KCNIP4: variants seen among roughly 807,000 people sequenced by gnomAD.
KCNIP4 encodes the protein potassium voltage-gated channel interacting protein 4, also known as Kv channel-interacting protein 4.
In KCNIP4, 12 loss-of-function variants were observed where a neutral mutation model predicts 34.0. The ratio of observed to expected loss-of-function variants is 0.35; its 90% CI spans 0.23 to 0.57. KCNIP4 has a LOEUF of 0.57. KCNIP4 is among the 20% of genes least tolerant of loss of function. KCNIP4 has a pLI of 0.83. For synonymous variants in KCNIP4, 124 were observed against 102.2 expected, an observed-to-expected ratio of 1.21 and a Z score of -1.29; for missense variants, 238 against 311.7, an observed-to-expected ratio of 0.76 and a Z score of 1.78.
At chr4:21,372,739 C>CTTG (rs1476174587) in intron 1 of KCNIP4, among the ~76,000 whole-genome samples, 1 of 146,226 alleles carries the variant, frequency 6.8e-6, no homozygotes, top group African/African-American at 2.8e-5. Context: ...TCCAAAATTA[C>CTTG]TACAAGGAAT....
chr4:20,999,395 G>C (rs1420820976), intron 1 of KCNIP4, among the ~76,000 whole-genome samples: 1 of 146,884 alleles, frequency 6.8e-6, no homozygotes, highest in East Asian at 2.0e-4. Context: ...CCAAAAAAGA[G>C]GGTTTTTGTT....
intron 1 of KCNIP4, among the ~76,000 whole-genome samples, chr4:21,494,502 C>CG: frequency 6.6e-6 from 1 of 152,126 alleles, no homozygotes; most frequent in Admixed American, 6.5e-5. Flanking sequence ...GTGCTGAGTG[C>CG]GGTGGCTTAT....
intron 1 of KCNIP4, among the ~76,000 whole-genome samples, chr4:21,841,754 G>T (rs1723698419): frequency 6.6e-6 from 1 of 151,998 alleles, no homozygotes; most frequent in South Asian, 2.1e-4. Context: ...AATCCTAAAT[G>T]ATATTTTTAA....
intron 1 of KCNIP4, among the ~76,000 whole-genome samples, chr4:21,574,658 A>G (rs1740609644): frequency 6.6e-6 from 1 of 152,296 alleles, no homozygotes; most frequent in South Asian, 2.1e-4. Flanking sequence ...TGAACCCTCA[A>G]ATTGAGAGTG....
At chr4:21,686,547 A>G (rs1316988492) in intron 1 of KCNIP4, among the ~76,000 whole-genome samples, 1 of 152,230 alleles carries the variant, frequency 6.6e-6, no homozygotes, top group Non-Finnish European at 1.5e-5. Flanking sequence ...GAAAATACAA[A>G]TACATTGACA....
At chr4:21,701,570 C>T (rs974917998) in intron 1 of KCNIP4, among the ~76,000 whole-genome samples, 1 of 151,972 alleles carries the variant, frequency 6.6e-6, no homozygotes, top group Non-Finnish European at 1.5e-5. Context: ...TAAATAAATA[C>T]AAATTAATAC....
intron 1 of KCNIP4, among the ~76,000 whole-genome samples, chr4:21,113,103 C>A (rs1036296211): frequency 1.3e-5 from 2 of 151,986 alleles, no homozygotes; most frequent in African/African-American, 4.8e-5. Flanking sequence ...TCCAAATTTC[C>A]GGGAATGTCT....
chr4:21,814,774 T>A (rs1721892137), intron 1 of KCNIP4, among the ~76,000 whole-genome samples: 1 of 152,154 alleles, frequency 6.6e-6, no homozygotes, highest in Non-Finnish European at 1.5e-5. Context: ...ACCTTCAGAC[T>A]AAGAGGGCAG....
chr4:21,598,117 G>A (rs1577667392), intron 1 of KCNIP4, among the ~76,000 whole-genome samples: 1 of 152,044 alleles, frequency 6.6e-6, no homozygotes, highest in Non-Finnish European at 1.5e-5. Context: ...TTAAATGAAA[G>A]GAGAGAACAC....
At chr4:21,895,622 T>C (rs1015944042) in intron 1 of KCNIP4, among the ~76,000 whole-genome samples, 4 of 152,194 alleles carry the variant, frequency 2.6e-5, no homozygotes, top group Non-Finnish European at 5.9e-5. Flanking sequence ...TGTTCAACTA[T>C]TAAATTATTT....
intron 1 of KCNIP4, among the ~76,000 whole-genome samples, chr4:21,835,578 CG>C (rs147801479): frequency 0.38 from 57,171 of 151,224 alleles, 11,860 homozygotes; most frequent in East Asian, 0.65. Flanking sequence ...TGTTTTCTTA[CG>C]TTTTTTTTTG....
intron 1 of KCNIP4, among the ~76,000 whole-genome samples, chr4:21,903,751 G>A: frequency 6.6e-6 from 1 of 151,940 alleles, no homozygotes; most frequent in African/African-American, 2.4e-5. Context: ...ATCATAAATG[G>A]AAGAACCATT....
chr4:20,882,830 C>A, intron 1 of KCNIP4, 121 bp from the exon 2 acceptor site: 1 of 652,498 alleles, frequency 1.5e-6, no homozygotes, highest in Non-Finnish European at 2.6e-6. Context: ...CTCAGGCAAT[C>A]ACAGGCAGTG....
chr4:21,352,186 G>A (rs778474953), intron 1 of KCNIP4, among the ~76,000 whole-genome samples: 23 of 152,214 alleles, frequency 1.5e-4, no homozygotes, highest in Non-Finnish European at 2.1e-4. Context: ...AAACAGCTCC[G>A]GTCTGCAGCT....
chr4:21,535,126 C>T (rs1386382704), intron 1 of KCNIP4, among the ~76,000 whole-genome samples: 1 of 152,090 alleles, frequency 6.6e-6, no homozygotes, highest in Non-Finnish European at 1.5e-5. Flanking sequence ...GCAGCTGCTG[C>T]TCTAAAGATG....
chr4:21,063,597 C>T (rs1744106559), intron 1 of KCNIP4, among the ~76,000 whole-genome samples: 1 of 152,116 alleles, frequency 6.6e-6, no homozygotes, highest in African/African-American at 2.4e-5. Context: ...ATATGTCAAA[C>T]AATGAACTGA....
At chr4:21,619,751 G>A (rs940919232) in intron 1 of KCNIP4, among the ~76,000 whole-genome samples, 1 of 152,240 alleles carries the variant, frequency 6.6e-6, no homozygotes, top group Non-Finnish European at 1.5e-5. Flanking sequence ...TAGCTGGTAT[G>A]ACGGATACTA....
chr4:21,544,147 C>T (rs533872376), intron 1 of KCNIP4, among the ~76,000 whole-genome samples: 1 of 152,126 alleles, frequency 6.6e-6, no homozygotes, highest in East Asian at 1.9e-4. Context: ...ACTCTTCAAA[C>T]CTGGATTCTG....
chr4:20,773,784 G>A (rs191877170), intron 3 of KCNIP4, among the ~76,000 whole-genome samples: 170 of 152,274 alleles, frequency 1.1e-3, no homozygotes, highest in African/African-American at 3.8e-3. Context: ...TTCTGGGAAT[G>A]GGGCCCAGAG....
Sources: gnomAD v4.1 joint callset for allele counts (sites outside exome capture counted in the v4.1 genomes callset) on GRCh38, gnomAD v4.1.1 for gene constraint, MANE v1.5 for transcripts, NCBI Gene and HGNC (gene_info 2026-07-23, HGNC 2026-07-21) for gene names.